Variants in ERBB4 observed in about 807,000 individuals in gnomAD.
ERBB4 encodes the protein receptor tyrosine-protein kinase erbB-4.
ERBB4 carries 42 observed loss-of-function variants against 158.0 expected under a neutral mutation model. The ratio of observed to expected loss-of-function variants is 0.27; its 90% CI spans 0.21 to 0.34. The LOEUF is 0.34. Among genes scored for constraint, ERBB4 ranks in the 10% least tolerant of loss-of-function variants. ERBB4 has a pLI of 1.00. For synonymous variants in ERBB4, 583 were observed against 558.7 expected (o/e 1.04, Z -0.61); for missense variants, 1,333 against 1,624.1 (o/e 0.82, Z 3.08).
At chr2:211,673,528 A>G (rs868416587) in intron 13 of ERBB4, among the ~76,000 whole-genome samples, 1 of 149,772 alleles carries the variant, frequency 6.7e-6, no homozygotes, top group South Asian at 2.1e-4. Flanking sequence ...AAAAAAAAAA[A>G]AAGCTACAAA....
At position 212,374,265 on chromosome 2, in the gene ERBB4, C is replaced by T. The variant is rs549704946; in HGVS notation, c.82+164184G>A. Among the ~76,000 whole-genome samples, 5 of 151,302 alleles carry T rather than the reference C, an allele frequency of 3.3e-5. No individual in the cohort carries two copies. In the East Asian group the frequency reaches 9.7e-4, roughly 29 times the overall value. On this transcript the variant is annotated intron_variant, in intron 1 of 27. Transcript: ENST00000342788. ...TATTACATCCATGGCTAAAACATTT[C>T]AAAGACCTTAACAGTGACTATTTTG...
At chr2:212,349,844 C>A (rs979074210) in intron 1 of ERBB4, among the ~76,000 whole-genome samples, 1 of 151,984 alleles carries the variant, frequency 6.6e-6, no homozygotes, top group African/African-American at 2.4e-5. Flanking sequence ...CCCAAGAAGA[C>A]TGGGAAAGCA....
chr2:212,440,171 A>AGTATTGATCCTGGGTGT (rs1226215572), intron 1 of ERBB4, among the ~76,000 whole-genome samples: 2 of 152,260 alleles, frequency 1.3e-5, no homozygotes, highest in Non-Finnish European at 2.9e-5. Flanking sequence ...AAGGATATAA[A>AGTATTGATCCTGGGTGT]GTATTGATCC....
chr2:212,468,483 C>T (rs1688954469), intron 1 of ERBB4, among the ~76,000 whole-genome samples: 1 of 152,190 alleles, frequency 6.6e-6, no homozygotes, highest in Non-Finnish European at 1.5e-5. Context: ...CAAGCTCTCT[C>T]TTAGCCTGCC....
chr2:212,537,977 C>G (rs1693194111), intron 1 of ERBB4, among the ~76,000 whole-genome samples: 1 of 152,170 alleles, frequency 6.6e-6, no homozygotes, highest in Non-Finnish European at 1.5e-5. Flanking sequence ...AGGTGCAAAG[C>G]CCGATTTTCT....
intron 2 of ERBB4, among the ~76,000 whole-genome samples, chr2:212,103,989 TC>T (rs1382419184): frequency 6.6e-6 from 1 of 152,064 alleles, no homozygotes; most frequent in East Asian, 1.9e-4. Context: ...CATTAAATGG[TC>T]CTTAAGAATT....
chr2:211,917,148 A>G (rs1041142830), intron 3 of ERBB4, among the ~76,000 whole-genome samples: 1 of 152,158 alleles, frequency 6.6e-6, no homozygotes, highest in Non-Finnish European at 1.5e-5. Context: ...CATAAGACAG[A>G]GTTAAAATGT....
At chr2:211,818,444 G>T (rs1483298103) in intron 3 of ERBB4, among the ~76,000 whole-genome samples, 1 of 151,948 alleles carries the variant, frequency 6.6e-6, no homozygotes, top group Non-Finnish European at 1.5e-5. Context: ...ACGTTAGCTG[G>T]GTTTCGAATT....
At chr2:212,117,335 T>C (rs73987235) in intron 2 of ERBB4, among the ~76,000 whole-genome samples, 3,448 of 152,290 alleles carry the variant, frequency 0.023, 135 homozygotes, top group African/African-American at 0.079. Context: ...TTTTAATGCT[T>C]GTTTACCCAA....
At chr2:212,390,698 C>A (rs1483030989) in intron 1 of ERBB4, among the ~76,000 whole-genome samples, 5 of 151,716 alleles carry the variant, frequency 3.3e-5, no homozygotes, top group Admixed American at 6.6e-5. Context: ...TTCTCCAGGA[C>A]ACTCCTCAAA....
chr2:212,243,923 A>T (rs2084213316), intron 1 of ERBB4, among the ~76,000 whole-genome samples: 1 of 152,170 alleles, frequency 6.6e-6, no homozygotes, highest in South Asian at 2.1e-4. Context: ...TATCAACCTC[A>T]TTATAGTTGT....
At chr2:211,928,395 C>T (rs548994768) in intron 3 of ERBB4, among the ~76,000 whole-genome samples, 27 of 152,246 alleles carry the variant, frequency 1.8e-4, no homozygotes, top group Non-Finnish European at 3.5e-4. Context: ...AAGCCGGCAA[C>T]GTGAACACCA....
chr2:211,559,616 T>A (rs1433222477), intron 20 of ERBB4, among the ~76,000 whole-genome samples: 1 of 152,218 alleles, frequency 6.6e-6, no homozygotes, highest in Non-Finnish European at 1.5e-5. Context: ...GGACTCAGTG[T>A]CTTCTCTTAA....
At chr2:212,236,581 G>A (rs906287542) in intron 1 of ERBB4, among the ~76,000 whole-genome samples, 6 of 152,160 alleles carry the variant, frequency 3.9e-5, no homozygotes, top group East Asian at 1.9e-4. Flanking sequence ...ATTTAGCTCC[G>A]AATCCATCTG....
chr2:212,171,412 C>T (rs1353272374), intron 1 of ERBB4, among the ~76,000 whole-genome samples: 1 of 151,648 alleles, frequency 6.6e-6, no homozygotes, highest in East Asian at 1.9e-4. Flanking sequence ...TGTATTAATG[C>T]TGGAATGAAT....
At chr2:211,697,183 G>A (rs984056429) in intron 12 of ERBB4, among the ~76,000 whole-genome samples, 7 of 152,096 alleles carry the variant, frequency 4.6e-5, no homozygotes, top group Non-Finnish European at 1.0e-4. Flanking sequence ...AATATAGCTA[G>A]GTTGAGAGAT....
intron 3 of ERBB4, among the ~76,000 whole-genome samples, chr2:211,850,838 G>A (rs1255363114): frequency 6.6e-6 from 1 of 151,774 alleles, no homozygotes; most frequent in African/African-American, 2.4e-5. Flanking sequence ...CTTTTTATTA[G>A]AACTGAAAGA....
chr2:211,773,712 A>AT (rs1559506630), intron 4 of ERBB4, among the ~76,000 whole-genome samples: 10 of 141,154 alleles, frequency 7.1e-5, no homozygotes, highest in Non-Finnish European at 1.4e-4. Flanking sequence ...TATAGTGAAG[A>AT]ATATATATAT....
intron 20 of ERBB4, among the ~76,000 whole-genome samples, chr2:211,443,899 T>A (rs1469664269): frequency 1.3e-5 from 2 of 152,106 alleles, no homozygotes; most frequent in African/African-American, 4.8e-5. Flanking sequence ...ATGTCCTTTG[T>A]CCAGCACCTT....
Sources: gnomAD v4.1 joint callset for allele counts (sites outside exome capture counted in the v4.1 genomes callset) on GRCh38, gnomAD v4.1.1 for gene constraint, MANE v1.5 for transcripts, NCBI Gene and HGNC (gene_info 2026-07-23, HGNC 2026-07-21) for gene names.